The following FAM20A variants were observed in gnomAD, a reference collection of about 807,000 sequenced individuals.
The protein encoded by FAM20A is pseudokinase FAM20A.
In FAM20A, 42 loss-of-function variants were observed where a neutral mutation model predicts 52.0. That is an observed-to-expected ratio of 0.81 (90% confidence interval 0.63 to 1.04). FAM20A has a LOEUF of 1.04. Ranked by LOEUF, FAM20A falls within the 50% of genes least tolerant of loss-of-function variation. The pLI is 0.00. For missense variants in FAM20A, 742 were observed against 712.7 expected, an observed-to-expected ratio of 1.04 and a Z score of -0.47; for synonymous variants, 304 against 298.9, an observed-to-expected ratio of 1.02 and a Z score of -0.18.
intron 1 of FAM20A, among the ~76,000 whole-genome samples, chr17:68,579,126 G>C (rs1267318958): frequency 6.6e-6 from 1 of 152,076 alleles, no homozygotes; most frequent in Admixed American, 6.6e-5. Flanking sequence ...GAAGCATGAA[G>C]AGACTCCAAG....
chr17:68,582,697 C>T (rs1023963026), intron 1 of FAM20A: 1 of 152,222 alleles, frequency 6.6e-6, no homozygotes, highest in Non-Finnish European at 1.5e-5. Flanking sequence ...CAGATTACAT[C>T]CCACTTTATA....
chr17:68,571,939 A>AAT (rs1255994938), intron 1 of FAM20A, among the ~76,000 whole-genome samples: 2 of 138,858 alleles, frequency 1.4e-5, no homozygotes, highest in South Asian at 2.5e-4. Context: ...CTTATGTAGA[A>AAT]ATATATATAT....
Position 68,537,787 on chromosome 17 carries a change from A to G in FAM20A, c.1362-46T>C, listed in dbSNP as rs776996642. The G allele has an allele frequency of 2.5e-6, 4 of 1,573,946 alleles. No homozygotes were observed. The Admixed American group carries it at 7.3e-5, about 29-fold the overall frequency. ...GAACCAAATAAGCAAATGTAAAGAAAATAACTTGCCTGAACTTCTTTCCCC... is the reference window on the plus strand; with the variant it reads ...GAACCAAATAAGCAAATGTAAAGAAGATAACTTGCCTGAACTTCTTTCCCC... On this transcript the variant is annotated intron_variant, in intron 10 of 10. Transcript: ENST00000592554. This position sits in a 1 kb window ranked among gnomAD's most constrained non-coding sequence, Gnocchi z 4.2.
At chr17:68,559,281 T>TAAAAA in intron 1 of FAM20A, among the ~76,000 whole-genome samples, 1 of 152,242 alleles carries the variant, frequency 6.6e-6, no homozygotes, top group Non-Finnish European at 1.5e-5. Context: ...GTAATATTTT[T>TAAAAA]TATTAGATCT....
At chr17:68,577,696 A>G (rs550691985) in intron 1 of FAM20A, among the ~76,000 whole-genome samples, 67 of 152,304 alleles carry the variant, frequency 4.4e-4, no homozygotes, top group African/African-American at 1.5e-3. Context: ...TGGATTTTGC[A>G]CTCGGTGTAA....
At chr17:68,590,152 T>C (rs1483626025) in intron 1 of FAM20A, 1 of 152,162 alleles carries the variant, frequency 6.6e-6, no homozygotes, top group Non-Finnish European at 1.5e-5. Context: ...AAAGTGAAAA[T>C]TCAATCAATC....
In FAM20A at chr17:68,536,734, C is replaced by CT. The variant is rs772873230; in HGVS notation, c.*742dup. The CT allele has an allele frequency of 1.6e-4, 71 of 452,564 alleles. No homozygotes were observed. Among genetic ancestry groups the CT allele is most frequent in the Admixed American group, 8.5e-4 (36 of 42,382 alleles). The allele number at this position is 452,564 out of a possible 1,614,324, so 28.0% of individuals were successfully genotyped here. ...GCCATCCTGACCTTGGAGGACTTTC[C>CT]TTTTTTTTTCCTTCGTTGTAATTAT... is the stretch of plus-strand genomic sequence containing the variant. On this transcript the variant is annotated 3_prime_UTR_variant, in exon 11 of 11. Coordinates refer to ENST00000592554, the MANE Select transcript of FAM20A (RefSeq NM_017565.4).
chr17:68,537,165 C>T lies in FAM20A; in HGVS notation c.*312G>A, dbSNP rs2086118510. Reference sequence around the variant, plus strand: ...TATTTGACTTGTTACCATTAGTACTCTCCTGGGATCAAGGCTGCCAAGCCT... The same window carrying T: ...TATTTGACTTGTTACCATTAGTACTTTCCTGGGATCAAGGCTGCCAAGCCT... On this transcript the variant is annotated 3_prime_UTR_variant, in exon 11 of 11. Coordinates refer to ENST00000592554, the MANE Select transcript of FAM20A (RefSeq NM_017565.4). The surrounding 1 kb of genome is among the most constrained non-coding windows in gnomAD (Gnocchi z 4.2). 1 of 547,580 alleles carries T rather than the reference C, an allele frequency of 1.8e-6. No individual in the cohort carries two copies. The highest frequency in any genetic ancestry group is 2.2e-5 in the Admixed American group (1 of 45,296). 33.9% of individuals were successfully genotyped at this position (547,580 alleles called of 1,614,324 possible). A position where few individuals can be genotyped will look rare whatever the true frequency, so the allele number is the denominator to read the frequency against.
chr17:68,535,677 T>C lies in FAM20A; in HGVS notation c.*1800A>G, dbSNP rs1206103591. ...AGTTGATTTAAAAAAAAATTTTTTT[T>C]TTTTTGTATTTTTTTGTAGAGACAG... On this transcript the variant is annotated 3_prime_UTR_variant, in exon 11 of 11. Transcript: ENST00000592554. The C allele has an allele frequency of 4.5e-6, 2 of 447,160 alleles. No individual in the cohort carries two copies. Among genetic ancestry groups the C allele is most frequent in the East Asian group, 1.4e-4 (2 of 14,366 alleles). 27.7% of individuals were successfully genotyped at this position (447,160 alleles called of 1,614,324 possible). A position where few individuals can be genotyped will look rare whatever the true frequency, so the allele number is the denominator to read the frequency against.
Position 68,541,970 on chromosome 17 carries a change from TG to T in FAM20A, c.1109+14del. On this transcript the variant is annotated intron_variant, in intron 7 of 10. Transcript: ENST00000592554. ...CTGTCAAGGACTGGGCTGTGTGGCC[TG>T]GGGACCAACTCACTCCTCTTTTCCT... The T allele has an allele frequency of 1.2e-6, 2 of 1,610,790 alleles. No individual in the cohort carries two copies. Among genetic ancestry groups the T allele is most frequent in the Non-Finnish European group, 8.5e-7 (1 of 1,178,066 alleles).
intron 1 of FAM20A, chr17:68,582,575 C>T (rs1355570005): frequency 6.6e-6 from 1 of 152,152 alleles, no homozygotes; most frequent in Non-Finnish European, 1.5e-5. Context: ...GCATAATCAA[C>T]TAGCAGTGGT....
At chr17:68,581,468 TTCTTTCTTTC>T (rs1391333406) in intron 1 of FAM20A, among the ~76,000 whole-genome samples, 1 of 23,726 alleles carries the variant, frequency 4.2e-5, no homozygotes, top group Non-Finnish European at 1.1e-4. Flanking sequence ...TTTCCTTTCT[TTCTTTCTTTC>T]TTTCTTTCTT....
intron 1 of FAM20A, among the ~76,000 whole-genome samples, chr17:68,560,781 C>T (rs1221213128): frequency 6.6e-6 from 1 of 152,200 alleles, no homozygotes; most frequent in East Asian, 1.9e-4. Context: ...AGGCAAGATA[C>T]TGCTAATCCC....
chr17:68,537,741 C>T lies in FAM20A; in HGVS notation c.1362G>A (p.Met454Ile), dbSNP rs1440302355. ...SILSPLSQCC[M>I]IKKKTLLHLQ... ...GGTGCAAAAGTGTTTTCTTTTTTAT[C>T]CTGAAAAGACAAAGTTACAGGAACC... Residue 454 changes from methionine (M) to isoleucine (I), a missense_variant and splice_region_variant, in exon 11 of 11, where the codon ATG becomes ATA. By Grantham distance (10) the Met-to-Ile change is conservative. Transcript: ENST00000592554. The surrounding 1 kb of genome is among the most constrained non-coding windows in gnomAD (Gnocchi z 4.2). 3 of 1,609,046 alleles carry T rather than the reference C, an allele frequency of 1.9e-6. No individual in the cohort carries two copies. Among genetic ancestry groups the T allele is most frequent in the Non-Finnish European group, 2.5e-6 (3 of 1,177,420 alleles).
At chr17:68,577,700 G>A (rs1294346501) in intron 1 of FAM20A, among the ~76,000 whole-genome samples, 2 of 152,082 alleles carry the variant, frequency 1.3e-5, no homozygotes, top group Non-Finnish European at 2.9e-5. Flanking sequence ...TTTTGCACTC[G>A]GTGTAATTTA....
intron 1 of FAM20A, among the ~76,000 whole-genome samples, chr17:68,584,041 G>A (rs2088092274): frequency 6.6e-6 from 1 of 152,012 alleles, no homozygotes. Flanking sequence ...ATCTGGCTGG[G>A]TGTGGTGGCT....
At chr17:68,559,132 G>A (rs564013282) in intron 1 of FAM20A, among the ~76,000 whole-genome samples, 1 of 152,328 alleles carries the variant, frequency 6.6e-6, no homozygotes, top group South Asian at 2.1e-4. Context: ...CAAATGGGGT[G>A]TTGTTCTAAG....
At chr17:68,540,274 A>G (rs1348977748) in intron 8 of FAM20A, among the ~76,000 whole-genome samples, 2 of 152,176 alleles carry the variant, frequency 1.3e-5, no homozygotes, top group Non-Finnish European at 2.9e-5. Context: ...CACCTCGTGT[A>G]TGTATTGACA....
At chr17:68,557,157 G>A (rs564316365) in intron 1 of FAM20A, among the ~76,000 whole-genome samples, 12 of 151,662 alleles carry the variant, frequency 7.9e-5, no homozygotes, top group African/African-American at 2.4e-4. Context: ...CCGAGATCAC[G>A]CCACTGCACT....
Sources: allele counts gnomAD v4.1 joint callset (sites outside exome capture counted in the v4.1 genomes callset), GRCh38; gene constraint gnomAD v4.1.1; non-coding constraint Gnocchi (gnomAD v3.1); transcripts MANE v1.5; gene names NCBI Gene and HGNC (gene_info 2026-07-23, HGNC 2026-07-21).